KY: variants seen among roughly 807,000 people sequenced by gnomAD.
KY encodes the protein kyphoscoliosis peptidase.
A neutral mutation model predicts 76.1 loss-of-function variants in KY; 43 were observed. The ratio of observed to expected loss-of-function variants is 0.57; its 90% CI spans 0.44 to 0.73. The LOEUF is 0.73. Ranked by LOEUF, KY falls within the 30% of genes least tolerant of loss-of-function variation. The probability of loss-of-function intolerance (pLI) is 0.00; values close to 1 mark genes in which losing one functional copy is unlikely to be tolerated. For missense variants in KY, 722 were observed against 828.9 expected, an observed-to-expected ratio of 0.87 and a Z score of 1.58; for synonymous variants, 277 against 326.2, an observed-to-expected ratio of 0.85 and a Z score of 1.63.
chr3:134,614,422 C>A (rs936905042), intron 8 of KY, among the ~76,000 whole-genome samples: 1 of 152,084 alleles, frequency 6.6e-6, no homozygotes, highest in Non-Finnish European at 1.5e-5. Context: ...ATGCCCTGAA[C>A]AAGCTGCCAA....
At chr3:134,621,712 A>T (rs961831607) in intron 6 of KY, among the ~76,000 whole-genome samples, 6 of 152,240 alleles carry the variant, frequency 3.9e-5, no homozygotes, top group Non-Finnish European at 8.8e-5. Flanking sequence ...AAAAACAGAT[A>T]AAAGGGCATT....
chr3:134,609,967 G>A (rs965282342), intron 9 of KY, among the ~76,000 whole-genome samples: 4 of 152,204 alleles, frequency 2.6e-5, no homozygotes, highest in Non-Finnish European at 4.4e-5. Context: ...GGAGTTATAG[G>A]GAGTCAGAGT....
rs1051670958 is a variant in KY at position 134,602,294 on chromosome 3, A to G, written c.*1285T>C. Among the ~76,000 whole-genome samples the G allele has an allele frequency of 2.6e-5, 4 of 152,002 alleles. No individual in the cohort carries two copies. The highest frequency in any genetic ancestry group is 4.4e-5 in the Non-Finnish European group (3 of 67,986). On this transcript the variant is annotated 3_prime_UTR_variant, in exon 11 of 11. Coordinates refer to ENST00000423778, the MANE Select transcript of KY (RefSeq NM_178554.6). ...TGAAGTCAGCCTTTCCTCCGTTGCC[A>G]TGGCAACGGCAGCCTGAGGCGCTGC...
chr3:134,620,899 G>C (rs770771359), intron 6 of KY, 42 bp from the exon 7 acceptor site: 2 of 1,171,914 alleles, frequency 1.7e-6, no homozygotes, highest in Non-Finnish European at 2.5e-6. Context: ...GCCTCGAGGA[G>C]GGGCTGTTGG....
intron 6 of KY, among the ~76,000 whole-genome samples, chr3:134,622,743 A>G (rs564943275): frequency 1.1e-3 from 166 of 152,350 alleles, no homozygotes; most frequent in African/African-American, 3.9e-3. Flanking sequence ...TCAGGGAAAC[A>G]GGGCTGAGGT....
chr3:134,633,508 A>T (rs1297246040), intron 3 of KY, among the ~76,000 whole-genome samples: 1 of 152,152 alleles, frequency 6.6e-6, no homozygotes, highest in Non-Finnish European at 1.5e-5. Flanking sequence ...AACTACTAGG[A>T]TCACACCTAT....
chr3:134,644,911 A>G (rs1010466194), intron 2 of KY, among the ~76,000 whole-genome samples: 1 of 152,216 alleles, frequency 6.6e-6, no homozygotes, highest in Non-Finnish European at 1.5e-5. Flanking sequence ...ATTCCAATAC[A>G]GGGTGATGTG....
In KY at chr3:134,620,846, C is replaced by T. The variant is rs573977642; in HGVS notation, c.495G>A (p.Lys165=). 5.0e-6 allele frequency: 8 copies of T among 1,610,896 alleles called. No individual in the cohort carries two copies. The highest frequency in any genetic ancestry group is 3.3e-5 in the South Asian group (3 of 90,394). ...CACTCACCAGTTCGTCTAGGCCACT[C>T]TTGGCTGTCACCTGGGGAGCAGGAA... ...LDIYASQVTA[K]SGLDELVSDL... Residue 165 remains lysine (K), a synonymous_variant, in exon 7 of 11, where the codon AAG becomes AAA. Transcript: ENST00000423778.
intron 2 of KY, 127 bp from the exon 3 acceptor site, chr3:134,643,505 G>A (rs1966033100): frequency 4.3e-6 from 3 of 696,516 alleles, no homozygotes; most frequent in Admixed American, 4.5e-5. Flanking sequence ...AGGCCTAAAT[G>A]TGTGCACACC....
At chr3:134,646,522 C>T (rs189698729) in intron 2 of KY, among the ~76,000 whole-genome samples, 1 of 152,324 alleles carries the variant, frequency 6.6e-6, no homozygotes, top group Admixed American at 6.5e-5. Context: ...TCATGCCTGG[C>T]ACAAAGTAAG....
At chr3:134,612,751 C>CTGTGTGTGTGTGTGTGTGTGTGTGTGTG (rs35084772) in intron 8 of KY, among the ~76,000 whole-genome samples, 1 of 125,422 alleles carries the variant, frequency 8.0e-6, no homozygotes, top group Admixed American at 8.0e-5. Flanking sequence ...CACGCCGATG[C>CTGTGTGTGTGTGTGTGTGTGTGTGTGTG]TGTGTGTGTG....
At chr3:134,641,125 TCC>T in intron 3 of KY, 1 of 152,390 alleles carries the variant, frequency 6.6e-6, no homozygotes, top group Non-Finnish European at 1.5e-5. Flanking sequence ...TGGAAGCTCT[TCC>T]CCAGATACCC....
intron 8 of KY, 196 bp from the exon 9 acceptor site, chr3:134,610,579 CTGGCTGG>C: frequency 1.8e-6 from 1 of 569,704 alleles, no homozygotes; most frequent in East Asian, 3.0e-5. Context: ...AGATACAGTG[CTGGCTGG>C]TCCTGTTGGT....
chr3:134,603,978 A>C lies in KY; in HGVS notation c.1587T>G (p.His529Gln), dbSNP rs756002236. ...KQTELKVQLP[H>Q]AGKFALKIFV... ...AGATCTTGAGGGCAAACTTGCCTGC[A>C]TGGGGCAGCTGGACTTTCAGCTCGG... Residue 529 changes from histidine to glutamine, a missense_variant, in exon 11 of 11, where the codon CAT (histidine) becomes CAG (glutamine). By Grantham distance (24) the His-to-Gln change is conservative. Transcript: ENST00000423778. 2 of 1,613,930 alleles carry C rather than the reference A, an allele frequency of 1.2e-6. No individual in the cohort carries two copies. The highest frequency in any genetic ancestry group is 2.2e-5 in the South Asian group (2 of 91,078).
rs1381060316 is a variant in KY, at chr3:134,620,744, C to T, written c.592+5G>A. 6.2e-7 allele frequency: 1 copy of T among 1,607,996 alleles called. No homozygotes were observed. Among genetic ancestry groups the T allele is most frequent in the Non-Finnish European group, 8.5e-7 (1 of 1,175,118 alleles). On this transcript the variant is annotated splice_donor_5th_base_variant and intron_variant, in intron 7 of 10. Coordinates refer to ENST00000423778, the MANE Select transcript of KY (RefSeq NM_178554.6). ...TAGAGCCAGAAATTCCACAGGGGGG[C>T]CTACCTATGTGATGGCAGATCCAGA...
At chr3:134,640,331 C>T (rs1051644941) in intron 3 of KY, among the ~76,000 whole-genome samples, 8 of 152,146 alleles carry the variant, frequency 5.3e-5, no homozygotes, top group Non-Finnish European at 8.8e-5. Flanking sequence ...AGCCCACAGA[C>T]ATGGGTTCAA....
chr3:134,620,034 G>A (rs1018066521), intron 7 of KY: 1 of 152,270 alleles, frequency 6.6e-6, no homozygotes, highest in East Asian at 1.9e-4. Context: ...GCAGCAGGTC[G>A]AGAAAGACCC....
chr3:134,610,184 C>T lies in KY; in HGVS notation c.899+11G>A, dbSNP rs1960120703. The T allele has an allele frequency of 1.2e-6, 2 of 1,609,314 alleles. No individual in the cohort carries two copies. The highest frequency in any genetic ancestry group is 1.7e-6 in the Non-Finnish European group (2 of 1,177,410). On this transcript the variant is annotated intron_variant, in intron 9 of 10. Transcript: ENST00000423778. ...TGCCAGACGCCCAGCAGAACTGAGA[C>T]AAGTACTTACAGGAAGGTGAATTTG...
rs778376964 is a variant in KY, at chr3:134,603,808, G to A, written c.1757C>T (p.Ser586Leu). ...GQDNELLEPL[S>L]GVLPANRNVP... The stretch of plus-strand genomic sequence containing the variant: ...ATTCCGGTTGGCAGGAAGCACACCT[G>A]ACAGAGGTTCCAGCAGCTCATTGTC... Residue 586 changes from serine to leucine, a missense_variant, in exon 11 of 11, where the codon TCA becomes TTA. Transcript: ENST00000423778. 3 of 1,613,866 alleles carry A rather than the reference G, an allele frequency of 1.9e-6. No homozygotes were observed. Among genetic ancestry groups the A allele is most frequent in the Non-Finnish European group, 2.5e-6 (3 of 1,179,820 alleles).
Sources: gnomAD v4.1 joint callset for allele counts (sites outside exome capture counted in the v4.1 genomes callset) on GRCh38, gnomAD v4.1.1 for gene constraint, MANE v1.5 for transcripts, NCBI Gene and HGNC (gene_info 2026-07-23, HGNC 2026-07-21) for gene names.